The following RETREG1 variants were observed in gnomAD, a reference collection of about 807,000 sequenced individuals.
The protein encoded by RETREG1 is family with sequence similarity 134 member B.
Under a neutral mutation model 54.8 loss-of-function variants are expected in RETREG1, and 44 were observed. The ratio of observed to expected loss-of-function variants is 0.80; its 90% CI spans 0.63 to 1.03. The LOEUF (loss-of-function observed/expected upper bound fraction) is 1.03. RETREG1 is among the 50% of genes least tolerant of loss of function. The pLI is 0.00. For synonymous variants in RETREG1, 217 were observed against 238.5 expected (o/e 0.91, Z 0.83); for missense variants, 554 against 605.1 (o/e 0.92, Z 0.89).
intron 1 of RETREG1, among the ~76,000 whole-genome samples, chr5:16,582,092 T>C: frequency 6.6e-6 from 1 of 152,368 alleles, no homozygotes; most frequent in East Asian, 1.9e-4. Context: ...AGGTAAACAT[T>C]ATATATGACA....
chr5:16,596,872 C>G lies in RETREG1; in HGVS notation c.320+19780G>C, dbSNP rs906704055. On this transcript the variant is annotated intron_variant, in intron 1 of 8. Coordinates refer to ENST00000306320, the MANE Select transcript of RETREG1 (RefSeq NM_001034850.3). ...ATCTTATGCAGCTTCTATACGCAAG[C>G]AGATGTTGGGCCTTGGAAGTACAAA... is the stretch of plus-strand genomic sequence containing the variant. 2.0e-5 allele frequency among the ~76,000 whole-genome samples: 3 copies of G among 152,134 alleles called. No homozygotes were observed. The East Asian group carries it at 5.8e-4, about 29-fold the overall frequency.
rs1354441545 is a variant in RETREG1 at position 16,616,660 on chromosome 5, C to A, written c.312G>T (p.Leu104=). 1.3e-6 allele frequency: 2 copies of A among 1,595,054 alleles called. No homozygotes were observed. The highest frequency in any genetic ancestry group is 3.4e-5 in the Admixed American group (2 of 59,336). The change falls in exon 1 of 9, where the codon CTG becomes CTT. Residue 104 remains leucine (L), a synonymous_variant. Transcript: ENST00000306320. ...RSLLGFVAAN[L]LFWFLALTPW... Reference sequence around the variant, plus strand: ...CTTGCCCAAGCTCTCACCAGAACAGCAGGTTGGCAGCGACGAAGCCGAGCA... The same window carrying A: ...CTTGCCCAAGCTCTCACCAGAACAGAAGGTTGGCAGCGACGAAGCCGAGCA...
chr5:16,567,446 G>A (rs541716449), intron 2 of RETREG1, among the ~76,000 whole-genome samples: 24 of 152,348 alleles, frequency 1.6e-4, no homozygotes, highest in South Asian at 1.0e-3. Flanking sequence ...GTGAGTGCAC[G>A]AAGGACTGCA....
rs200065908 is a variant in RETREG1 at position 16,572,102 on chromosome 5, C to A, written c.321G>T (p.Trp107Cys). The A allele has an allele frequency of 4.4e-5, 70 of 1,603,190 alleles. No homozygotes were observed. Among genetic ancestry groups the A allele is most frequent in the Admixed American group, 1.0e-4 (6 of 60,022 alleles). Reference sequence around the variant, plus strand: ...CTCTCCATGGAGTCAATGCAAGGAACCTGCAACAGCGAAACACAAATCAGT... The same window carrying A: ...CTCTCCATGGAGTCAATGCAAGGAAACTGCAACAGCGAAACACAAATCAGT... ...LGFVAANLLF[W>C]FLALTPWRVY... Residue 107 changes from tryptophan to cysteine, a missense_variant and splice_region_variant, in exon 2 of 9, where the codon TGG (tryptophan) becomes TGT (cysteine). Coordinates refer to ENST00000306320, the MANE Select transcript of RETREG1 (RefSeq NM_001034850.3).
chr5:16,613,250 G>A (rs896804781), intron 1 of RETREG1, among the ~76,000 whole-genome samples: 56 of 152,216 alleles, frequency 3.7e-4, no homozygotes, highest in African/African-American at 1.2e-3. Context: ...TCTGTTTACT[G>A]TGTAGTGGTT....
chr5:16,548,934 A>C (rs879333985), intron 3 of RETREG1, among the ~76,000 whole-genome samples: 1 of 152,228 alleles, frequency 6.6e-6, no homozygotes, highest in Non-Finnish European at 1.5e-5. Flanking sequence ...AATCAAGAGA[A>C]TCCCAGGCCA....
rs1743519807 is a variant in RETREG1 at position 16,616,663 on chromosome 5, GT to G, written c.308del (p.Asn103ThrfsTer9). 1 of 1,595,746 alleles carries G rather than the reference GT, an allele frequency of 6.3e-7. No homozygotes were observed. The highest frequency in any genetic ancestry group is 1.1e-5 in the South Asian group (1 of 89,700). On this transcript the variant is annotated frameshift_variant, in exon 1 of 9. Coordinates refer to ENST00000306320, the MANE Select transcript of RETREG1 (RefSeq NM_001034850.3). LOFTEE classifies it high-confidence loss of function. ...GCCCAAGCTCTCACCAGAACAGCAG[GT>G]TGGCAGCGACGAAGCCGAGCAGGCT... The part of the protein sequence containing the change: ...LRSLLGFVAA[N>X]LLFWFLALTP...
chr5:16,593,227 G>A lies in RETREG1; in HGVS notation c.321-21125C>T, dbSNP rs541462178. The stretch of plus-strand genomic sequence containing the variant: ...AATTAGGTCACCCCACTGCTCCCCC[G>A]GAGTGATGTGTTTTCCTTTCAGAGC... On this transcript the variant is annotated intron_variant, in intron 1 of 8. Coordinates refer to ENST00000306320, the MANE Select transcript of RETREG1 (RefSeq NM_001034850.3). This position sits in a 1 kb window ranked among gnomAD's most constrained non-coding sequence, Gnocchi z 4.9. Among the ~76,000 whole-genome samples the A allele has an allele frequency of 2.9e-4, 44 of 152,134 alleles. 2 individuals are homozygous for A. The South Asian group carries it at 6.0e-3, about 21-fold the overall frequency.
intron 2 of RETREG1, among the ~76,000 whole-genome samples, chr5:16,566,313 T>C (rs1168142316): frequency 6.6e-6 from 1 of 152,222 alleles, no homozygotes; most frequent in Admixed American, 6.5e-5. Context: ...ATCTATTCAT[T>C]GTTTAGATGT....
At chr5:16,545,766 A>AT (rs1247393518) in intron 3 of RETREG1, among the ~76,000 whole-genome samples, 8 of 152,118 alleles carry the variant, frequency 5.3e-5, no homozygotes, top group Admixed American at 5.2e-4. Context: ...AGTCCAAATA[A>AT]TAATTCCTCC....
At chr5:16,605,733 C>T (rs2126366881) in intron 1 of RETREG1, among the ~76,000 whole-genome samples, 1 of 152,284 alleles carries the variant, frequency 6.6e-6, no homozygotes, top group East Asian at 1.9e-4. Flanking sequence ...GCAGGTTTGG[C>T]ATCTGGTGAG....
chr5:16,495,446 C>T (rs1194197659), intron 3 of RETREG1, among the ~76,000 whole-genome samples: 1 of 152,198 alleles, frequency 6.6e-6, no homozygotes, highest in Non-Finnish European at 1.5e-5. Flanking sequence ...CCTAGGATGA[C>T]ATAATGGTTT....
intron 3 of RETREG1, among the ~76,000 whole-genome samples, chr5:16,493,813 A>T (rs576170964): frequency 1.8e-4 from 27 of 152,340 alleles, no homozygotes; most frequent in African/African-American, 6.0e-4. Flanking sequence ...TAGAGATGGT[A>T]CCCACCACAC....
At chr5:16,480,925 C>A in intron 5 of RETREG1, 84 bp downstream of exon 5, 1 of 879,304 alleles carries the variant, frequency 1.1e-6, no homozygotes, top group Non-Finnish European at 1.9e-6. Flanking sequence ...GAACTCATCC[C>A]CCCTCTTCAA....
intron 3 of RETREG1, among the ~76,000 whole-genome samples, chr5:16,557,973 G>A (rs1365776189): frequency 6.6e-6 from 1 of 151,802 alleles, no homozygotes; most frequent in Non-Finnish European, 1.5e-5. Context: ...TTTATAGCAG[G>A]AGTGGGTTAG....
intron 1 of RETREG1, chr5:16,616,277 A>T: frequency 4.3e-6 from 1 of 233,224 alleles, no homozygotes; most frequent in Non-Finnish European, 8.3e-6. Flanking sequence ...AAGAACCAAG[A>T]CACGTTCAAG....
At chr5:16,531,632 G>A (rs1740919604) in intron 3 of RETREG1, among the ~76,000 whole-genome samples, 2 of 152,144 alleles carry the variant, frequency 1.3e-5, no homozygotes, top group Non-Finnish European at 2.9e-5. Context: ...TCCCAGGGAA[G>A]GGGTGCCTCT....
At chr5:16,509,038 CTT>C (rs11403979) in intron 3 of RETREG1, 586 of 916,896 alleles carry the variant, frequency 6.4e-4, no homozygotes, top group South Asian at 1.7e-3. Flanking sequence ...CTTCCCCCGG[CTT>C]TTTTTTTTTT....
chr5:16,574,784 C>A (rs1267258484), intron 1 of RETREG1, among the ~76,000 whole-genome samples: 1 of 152,184 alleles, frequency 6.6e-6, no homozygotes, highest in African/African-American at 2.4e-5. Flanking sequence ...TTGCACCAAG[C>A]ACTGTGCTAC....
Sources: gnomAD v4.1 joint callset for allele counts (sites outside exome capture counted in the v4.1 genomes callset) on GRCh38, gnomAD v4.1.1 for gene constraint, Gnocchi (gnomAD v3.1) non-coding constraint, MANE v1.5 for transcripts, NCBI Gene and HGNC (gene_info 2026-07-23, HGNC 2026-07-21) for gene names.